The following GRID2 variants were observed in gnomAD, a reference collection of about 807,000 sequenced individuals.
GRID2 encodes glutamate receptor ionotropic, delta-2.
A neutral mutation model predicts 114.8 loss-of-function variants in GRID2; 33 were observed. That is an observed-to-expected ratio of 0.29 (90% confidence interval 0.22 to 0.38). GRID2 has a LOEUF of 0.38. Ranked by LOEUF, GRID2 falls within the 10% of genes least tolerant of loss-of-function variation. GRID2 has a pLI of 1.00. For missense variants in GRID2, 1,184 were observed against 1,257.7 expected (o/e 0.94, Z 0.89); for synonymous variants, 505 against 449.9 (o/e 1.12, Z -1.55).
chr4:93,611,030 G>A (rs1397852467), intron 13 of GRID2, among the ~76,000 whole-genome samples: 2 of 129,014 alleles, frequency 1.6e-5, no homozygotes. Context: ...ACTTCTTCCT[G>A]GTTTAGTCTT....
chr4:92,349,655 A>G (rs558740896), intron 1 of GRID2, among the ~76,000 whole-genome samples: 3 of 151,848 alleles, frequency 2.0e-5, no homozygotes, highest in African/African-American at 7.2e-5. Flanking sequence ...GAAATTTATC[A>G]TCTGTTATTA....
intron 8 of GRID2, among the ~76,000 whole-genome samples, chr4:93,278,694 A>G (rs1380608368): frequency 4.6e-5 from 7 of 151,966 alleles, no homozygotes; most frequent in Non-Finnish European, 1.0e-4. Context: ...TAACTGGAAG[A>G]AAAAAGAGCT....
intron 2 of GRID2, among the ~76,000 whole-genome samples, chr4:92,955,245 G>C (rs1279582918): frequency 4.7e-4 from 68 of 145,260 alleles, no homozygotes; most frequent in Middle Eastern, 3.5e-3. Flanking sequence ...GTGTAAAAGT[G>C]TTCCTATTTC....
At chr4:93,596,583 A>T (rs2149629996) in intron 13 of GRID2, among the ~76,000 whole-genome samples, 1 of 152,304 alleles carries the variant, frequency 6.6e-6, no homozygotes, top group Middle Eastern at 3.4e-3. Context: ...GTCTTAAAAA[A>T]AAAAGAAAAA....
intron 2 of GRID2, among the ~76,000 whole-genome samples, chr4:92,927,664 A>G (rs1021864360): frequency 6.6e-6 from 1 of 151,796 alleles, no homozygotes; most frequent in Non-Finnish European, 1.5e-5. Flanking sequence ...TACAGATTTG[A>G]GATCCTTTAT....
chr4:93,777,715 C>A (rs1382816751), downstream of GRID2, among the ~76,000 whole-genome samples: 1 of 152,178 alleles, frequency 6.6e-6, no homozygotes, highest in Non-Finnish European at 1.5e-5. Flanking sequence ...GCTTTCCTAA[C>A]AGCTGCTTTA....
intron 2 of GRID2, among the ~76,000 whole-genome samples, chr4:92,792,915 T>G (rs570429949): frequency 5.9e-5 from 9 of 151,502 alleles, no homozygotes; most frequent in African/African-American, 1.9e-4. Context: ...TTTTTGTCAT[T>G]TTGCACTTTC....
At chr4:92,946,699 T>C (rs1751660187) in intron 2 of GRID2, among the ~76,000 whole-genome samples, 1 of 152,094 alleles carries the variant, frequency 6.6e-6, no homozygotes, top group African/African-American at 2.4e-5. Context: ...TTACATCAGA[T>C]GGACAGAAAG....
At chr4:92,639,989 TTCGGCTGAAA>T (rs1304521964) in intron 2 of GRID2, among the ~76,000 whole-genome samples, 1 of 151,746 alleles carries the variant, frequency 6.6e-6, no homozygotes, top group African/African-American at 2.4e-5. Flanking sequence ...ACACAGACAC[TTCGGCTGAAA>T]TGCCATAAAA....
chr4:93,506,300 G>A (rs1728620702), intron 12 of GRID2, among the ~76,000 whole-genome samples: 2 of 152,146 alleles, frequency 1.3e-5, no homozygotes, highest in South Asian at 2.1e-4. Flanking sequence ...TAGACTTCAG[G>A]GTCATCTGCT....
rs779775767 is a variant in GRID2, at chr4:92,709,589, A to AAAAAAATATAT, written c.244+119304_244+119305insAAAAATATATA. ...AGTGTAGAGAAAAAAAAAAAAAAAA[A>AAAAAAATATAT]ATATATATATATATATATATGTAAT... On this transcript the variant is annotated intron_variant, in intron 2 of 15. Transcript: ENST00000282020. Among the ~76,000 whole-genome samples, 41 of 114,622 alleles carry AAAAAAATATAT rather than the reference A, an allele frequency of 3.6e-4. No homozygotes were observed. The South Asian group carries it at 8.4e-3, about 24-fold the overall frequency. The allele number at this position is 114,622 out of a possible 152,430, so 75.2% of individuals were successfully genotyped here. A position where few individuals can be genotyped will look rare whatever the true frequency, so the allele number is the denominator to read the frequency against.
At chr4:92,468,759 G>A (rs960408186) in intron 1 of GRID2, among the ~76,000 whole-genome samples, 1 of 152,050 alleles carries the variant, frequency 6.6e-6, no homozygotes, top group South Asian at 2.1e-4. Context: ...AAGTTAGCAG[G>A]TATTCACTTA....
At chr4:93,245,761 C>T (rs988003212) in intron 8 of GRID2, among the ~76,000 whole-genome samples, 11 of 152,114 alleles carry the variant, frequency 7.2e-5, no homozygotes, top group African/African-American at 2.7e-4. Flanking sequence ...GAATGTAACA[C>T]ATGTAACATG....
intron 1 of GRID2, among the ~76,000 whole-genome samples, chr4:92,327,135 T>C (rs990117328): frequency 2.6e-5 from 4 of 152,022 alleles, no homozygotes; most frequent in African/African-American, 7.2e-5. Flanking sequence ...GTTTCTTTTT[T>C]GGTGCTTTAC....
At chr4:93,592,780 C>T (rs1183018254) in intron 13 of GRID2, among the ~76,000 whole-genome samples, 1 of 152,206 alleles carries the variant, frequency 6.6e-6, no homozygotes, top group Admixed American at 6.5e-5. Context: ...GTTAGCTCTT[C>T]TTGTTGAATT....
intron 2 of GRID2, among the ~76,000 whole-genome samples, chr4:93,063,844 G>A (rs10011751): frequency 0.075 from 11,290 of 151,428 alleles, 590 homozygotes; most frequent in African/African-American, 0.15. Flanking sequence ...CTGAATTTCC[G>A]TATTGATTAA....
intron 13 of GRID2, among the ~76,000 whole-genome samples, chr4:93,524,204 G>C (rs907471488): frequency 6.6e-6 from 1 of 152,006 alleles, no homozygotes; most frequent in African/African-American, 2.4e-5. Flanking sequence ...CAACAGCTTT[G>C]GTTCTACGAA....
intron 14 of GRID2, among the ~76,000 whole-genome samples, chr4:93,702,280 T>A (rs1487248245): frequency 6.6e-6 from 1 of 152,170 alleles, no homozygotes; most frequent in South Asian, 2.1e-4. Flanking sequence ...GTAAAACAAA[T>A]AATTGTTTTG....
intron 5 of GRID2, among the ~76,000 whole-genome samples, chr4:93,213,505 AT>A (rs1743814692): frequency 6.6e-6 from 1 of 152,300 alleles, no homozygotes; most frequent in East Asian, 1.9e-4. Context: ...CATTAAATAA[AT>A]TTTGTATTTA....
Sources: allele counts gnomAD v4.1 joint callset (sites outside exome capture counted in the v4.1 genomes callset), GRCh38; gene constraint gnomAD v4.1.1; transcripts MANE v1.5; gene names NCBI Gene and HGNC (gene_info 2026-07-23, HGNC 2026-07-21).